RAD9B: variants seen among roughly 807,000 people sequenced by gnomAD.
RAD9B encodes RAD9 checkpoint clamp component B, also known as cell cycle checkpoint control protein RAD9B.
RAD9B carries 41 observed loss-of-function variants against 48.3 expected under a neutral mutation model. The ratio of observed to expected loss-of-function variants is 0.85; its 90% CI spans 0.66 to 1.10. RAD9B has a LOEUF of 1.10. Ranked by LOEUF, RAD9B falls within the 50% of genes least tolerant of loss-of-function variation. RAD9B has a pLI of 0.00. For missense variants in RAD9B, 444 were observed against 485.1 expected, an observed-to-expected ratio of 0.92 and a Z score of 0.80; for synonymous variants, 160 against 157.9, an observed-to-expected ratio of 1.01 and a Z score of -0.10.
At position 110,506,644 on chromosome 12, in the gene RAD9B, C is replaced by T; in HGVS notation, c.339C>T (p.Phe113=). 1.2e-6 allele frequency: 2 copies of T among 1,604,390 alleles called. No homozygotes were observed. Among genetic ancestry groups the T allele is most frequent in the Non-Finnish European group, 1.7e-6 (2 of 1,171,776 alleles). The part of the protein sequence containing the change: ...LERNIEKCRI[F]TRSDKCKVVI... ...GAAATATAGAGAAGTGCAGAATATT[C>T]ACCAGATCTGATAAATGCAAAGTAG... The change falls in exon 4 of 11, where the codon TTC becomes TTT. Residue 113 remains phenylalanine, a synonymous_variant. Coordinates refer to ENST00000409300, the MANE Select transcript of RAD9B (RefSeq NM_001286535.2).
At chr12:110,502,610 A>T in intron 1 of RAD9B, 1 of 566,276 alleles carries the variant, frequency 1.8e-6, no homozygotes, top group Non-Finnish European at 3.2e-6. Flanking sequence ...GTATCCGGGA[A>T]ATAGAGTTGT....
intron 6 of RAD9B, 44 bp downstream of exon 6, chr12:110,515,200 C>T: frequency 1.0e-6 from 1 of 991,402 alleles, no homozygotes; most frequent in East Asian, 2.7e-5. Flanking sequence ...GTTATTACTT[C>T]CTGTCTCTCG....
At position 110,530,743 on chromosome 12, in the gene RAD9B, G is replaced by T; in HGVS notation, c.*90G>T. ...TTTGCATGTTTAGTGTCTAAAAGAG[G>T]TTGTCCAGGACTTCCTTTTAATGGA... On this transcript the variant is annotated 3_prime_UTR_variant, in exon 11 of 11. Transcript: ENST00000409300. 1.3e-6 allele frequency: 2 copies of T among 1,569,358 alleles called. No individual in the cohort carries two copies. Among genetic ancestry groups the T allele is most frequent in the Non-Finnish European group, 1.7e-6 (2 of 1,158,866 alleles).
chr12:110,522,116 TTA>T, intron 9 of RAD9B, 59 bp from the exon 10 acceptor site: 1 of 1,094,444 alleles, frequency 9.1e-7, no homozygotes, highest in South Asian at 1.5e-5. Context: ...TGTCCATTAG[TTA>T]TATAAAAATA....
intron 3 of RAD9B, 142 bp downstream of exon 3, chr12:110,505,914 T>A: frequency 1.4e-6 from 1 of 701,646 alleles, no homozygotes; most frequent in Non-Finnish European, 2.2e-6. Flanking sequence ...AGACAGAGTC[T>A]CGCTTTCTTA....
In RAD9B at chr12:110,512,854, C is replaced by T. The variant is rs1198091173; in HGVS notation, c.464C>T (p.Thr155Ile). 2 of 1,542,552 alleles carry T rather than the reference C, an allele frequency of 1.3e-6. No individual in the cohort carries two copies. Among genetic ancestry groups the T allele is most frequent in the Non-Finnish European group, 1.8e-6 (2 of 1,123,982 alleles). Reference protein sequence around the residue: ...LQVIFDKNVCTNTLMIQPRLL... With the variant: ...LQVIFDKNVCINTLMIQPRLL... Reference sequence around the variant, plus strand: ...GTTATTTTTGACAAGAATGTTTGTACTAATACGCTAATGATTCAACCAAGG... The same window carrying T: ...GTTATTTTTGACAAGAATGTTTGTATTAATACGCTAATGATTCAACCAAGG... Residue 155 changes from threonine (T) to isoleucine (I), a missense_variant, in exon 5 of 11, where the codon ACT (threonine) becomes ATT (isoleucine). Thr to Ile is a moderately conservative substitution (Grantham distance 89). Coordinates refer to ENST00000409300, the MANE Select transcript of RAD9B (RefSeq NM_001286535.2).
chr12:110,528,821 G>A (rs369070623), intron 10 of RAD9B, among the ~76,000 whole-genome samples: 38 of 151,998 alleles, frequency 2.5e-4, no homozygotes, highest in African/African-American at 8.2e-4. Flanking sequence ...TCCACCTCCC[G>A]GGTTCAAGTG....
chr12:110,524,120 T>C (rs1280755799), intron 10 of RAD9B, among the ~76,000 whole-genome samples: 1 of 152,174 alleles, frequency 6.6e-6, no homozygotes, highest in Non-Finnish European at 1.5e-5. Flanking sequence ...ACCTCTCTCT[T>C]ACCACGTATT....
intron 4 of RAD9B, among the ~76,000 whole-genome samples, chr12:110,507,088 C>T (rs1433725449): frequency 6.6e-6 from 1 of 151,948 alleles, no homozygotes; most frequent in Non-Finnish European, 1.5e-5. Flanking sequence ...GATCTGCCCA[C>T]CTGCCTCGGC....
chr12:110,509,844 T>G (rs1369407654), intron 4 of RAD9B, among the ~76,000 whole-genome samples: 2 of 152,226 alleles, frequency 1.3e-5, no homozygotes, highest in African/African-American at 4.8e-5. Context: ...TGCTTCTGTG[T>G]AGGTTCTAGG....
intron 4 of RAD9B, among the ~76,000 whole-genome samples, chr12:110,509,670 A>C (rs1357504189): frequency 1.3e-5 from 2 of 152,204 alleles, no homozygotes; most frequent in African/African-American, 2.4e-5. Context: ...AACAAGTAGC[A>C]AGAATAGAGC....
intron 4 of RAD9B, among the ~76,000 whole-genome samples, chr12:110,511,781 A>C (rs985069257): frequency 4.6e-5 from 7 of 152,214 alleles, no homozygotes; most frequent in African/African-American, 9.7e-5. Context: ...GGACACCCCA[A>C]ATATCCTGGC....
In RAD9B at chr12:110,505,675, C is replaced by T. The variant is rs202241086; in HGVS notation, c.176C>T (p.Pro59Leu). 9.9e-5 allele frequency: 158 copies of T among 1,591,454 alleles called. No homozygotes were observed. In the African/African-American group the frequency reaches 1.9e-3, roughly 19 times the overall value. ...RSAYGCVLFSPVFFQHYQWSA... is the reference protein window; with the variant it reads ...RSAYGCVLFSLVFFQHYQWSA... Reference sequence around the variant, plus strand: ...GCATATGGATGTGTCCTGTTCTCTCCTGTGTTTTTTCAGCATTATCAATGG... The same window carrying T: ...GCATATGGATGTGTCCTGTTCTCTCTTGTGTTTTTTCAGCATTATCAATGG... Residue 59 changes from proline (P) to leucine (L), a missense_variant, in exon 3 of 11, where the codon CCT becomes CTT. Physicochemically the swap from Pro to Leu is moderately conservative, Grantham distance 98. Coordinates refer to ENST00000409300, the MANE Select transcript of RAD9B (RefSeq NM_001286535.2).
Position 110,527,501 on chromosome 12 carries a change from G to T in RAD9B, c.1126-3024G>T, listed in dbSNP as rs571995651. On this transcript the variant is annotated intron_variant, in intron 10 of 10. Coordinates refer to ENST00000409300, the MANE Select transcript of RAD9B (RefSeq NM_001286535.2). The stretch of plus-strand genomic sequence containing the variant: ...CAACAGCTGCAAGGCAAGCCTTGCA[G>T]AGGGCATCTTCACCTTCTGAGACGT... Among the ~76,000 whole-genome samples the T allele has an allele frequency of 2.6e-5, 4 of 152,300 alleles. No individual in the cohort carries two copies. The South Asian group carries it at 8.3e-4, about 32-fold the overall frequency.
chr12:110,515,851 G>A (rs1350409896), intron 6 of RAD9B, among the ~76,000 whole-genome samples: 1 of 152,106 alleles, frequency 6.6e-6, no homozygotes, highest in East Asian at 1.9e-4. Context: ...GCCAGGTTCT[G>A]TTCTAAATAG....
Position 110,531,096 on chromosome 12 carries a change from G to A in RAD9B, c.*443G>A. The stretch of plus-strand genomic sequence containing the variant: ...AACATTTGGATTTTAGTTTTCTCAT[G>A]TAATACCATGGCCTTTTTTGTGCAT... On this transcript the variant is annotated 3_prime_UTR_variant, in exon 11 of 11. Coordinates refer to ENST00000409300, the MANE Select transcript of RAD9B (RefSeq NM_001286535.2). 1.0e-6 allele frequency: 1 copy of A among 995,988 alleles called. No individual in the cohort carries two copies. 61.7% of individuals were successfully genotyped at this position (995,988 alleles called of 1,614,324 possible). A position where few individuals can be genotyped will look rare whatever the true frequency, so the allele number is the denominator to read the frequency against.
In RAD9B at chr12:110,530,843, T is replaced by G; in HGVS notation, c.*190T>G. On this transcript the variant is annotated 3_prime_UTR_variant, in exon 11 of 11. Coordinates refer to ENST00000409300, the MANE Select transcript of RAD9B (RefSeq NM_001286535.2). ...TAGCTGTTTGTCAAGTGTATGTAAC[T>G]TGCTTTAAATCCATTATGCTACTTG... The G allele has an allele frequency of 7.3e-7, 1 of 1,362,554 alleles. No homozygotes were observed. Among genetic ancestry groups the G allele is most frequent in the Non-Finnish European group, 9.5e-7 (1 of 1,056,648 alleles). The allele number at this position is 1,362,554 out of a possible 1,614,324, so 84.4% of individuals were successfully genotyped here. A position where few individuals can be genotyped will look rare whatever the true frequency, so the allele number is the denominator to read the frequency against.
At chr12:110,505,563 A>G (rs768802696) in intron 2 of RAD9B, 54 bp from the exon 3 acceptor site, 6 of 1,450,480 alleles carry the variant, frequency 4.1e-6, no homozygotes, top group Non-Finnish European at 5.5e-6. Context: ...TTACAGGTTC[A>G]TGGGAGCCAC....
intron 9 of RAD9B, among the ~76,000 whole-genome samples, chr12:110,520,562 G>GA (rs2063744893): frequency 6.8e-6 from 1 of 147,744 alleles, no homozygotes; most frequent in Non-Finnish European, 1.5e-5. Flanking sequence ...GTTTTCACAG[G>GA]AAAGTCTATA....
Sources: gnomAD v4.1 joint callset for allele counts (sites outside exome capture counted in the v4.1 genomes callset) on GRCh38, gnomAD v4.1.1 for gene constraint, MANE v1.5 for transcripts, NCBI Gene and HGNC (gene_info 2026-07-23, HGNC 2026-07-21) for gene names.